USP45: variants seen among roughly 807,000 people sequenced by gnomAD.
USP45 encodes the protein ubiquitin specific peptidase 45.
Under a neutral mutation model 95.8 loss-of-function variants are expected in USP45, and 89 were observed. That is an observed-to-expected ratio of 0.93 (90% CI 0.78 to 1.11). The LOEUF (loss-of-function observed/expected upper bound fraction) is 1.11. Among genes scored for constraint, USP45 ranks in the 50% least tolerant of loss-of-function variants. The probability of loss-of-function intolerance (pLI) is 0.00; values close to 1 mark genes in which losing one functional copy is unlikely to be tolerated. For synonymous variants in USP45, 281 were observed against 316.2 expected (o/e 0.89, Z 1.18); for missense variants, 898 against 942.5 (o/e 0.95, Z 0.62).
At chr6:99,502,041 G>A in intron 5 of USP45, 1 of 1,288,690 alleles carries the variant, frequency 7.8e-7, no homozygotes. Flanking sequence ...TGATTAGAAT[G>A]TTGGGGGCCT....
At chr6:99,453,174 A>AAG (rs1474647980) in intron 13 of USP45, among the ~76,000 whole-genome samples, 28 of 346 alleles carry the variant, frequency 0.081, no homozygotes, top group Admixed American at 0.17. Flanking sequence ...CTTAAAAAAG[A>AAG]AAAAAAAAAA....
intron 9 of USP45, among the ~76,000 whole-genome samples, chr6:99,469,711 G>A (rs1019174501): frequency 1.3e-4 from 19 of 151,560 alleles, no homozygotes; most frequent in African/African-American, 4.6e-4. Context: ...TTGAGCTTCT[G>A]AGCTCAAGCA....
At chr6:99,490,179 T>TA (rs1393459194) in intron 5 of USP45, among the ~76,000 whole-genome samples, 1 of 151,990 alleles carries the variant, frequency 6.6e-6, no homozygotes, top group Non-Finnish European at 1.5e-5. Flanking sequence ...TTTTCTTTTT[T>TA]AAAAAACAGT....
chr6:99,483,893 T>A (rs1424148702), intron 7 of USP45, among the ~76,000 whole-genome samples: 1 of 149,332 alleles, frequency 6.7e-6, no homozygotes, highest in African/African-American at 2.5e-5. Flanking sequence ...AACTATTGAA[T>A]ATATTGTCCT....
intron 5 of USP45, among the ~76,000 whole-genome samples, chr6:99,497,138 C>G (rs1174151208): frequency 6.6e-6 from 1 of 151,998 alleles, no homozygotes; most frequent in African/African-American, 2.4e-5. Flanking sequence ...TTACTGTCTC[C>G]AGTTTTCTGG....
chr6:99,472,976 C>G (rs1434635565), intron 9 of USP45, among the ~76,000 whole-genome samples: 1 of 151,972 alleles, frequency 6.6e-6, no homozygotes, highest in African/African-American at 2.4e-5. Flanking sequence ...TGATCAAATA[C>G]TAGCTAGGGG....
intron 15 of USP45, among the ~76,000 whole-genome samples, chr6:99,440,663 T>A (rs909231689): frequency 1.3e-5 from 2 of 152,226 alleles, no homozygotes; most frequent in Non-Finnish European, 2.9e-5. Flanking sequence ...TGCTTTTTTA[T>A]GGCTTATCTT....
intron 9 of USP45, among the ~76,000 whole-genome samples, chr6:99,473,947 G>A (rs1165224987): frequency 1.3e-5 from 2 of 151,950 alleles, no homozygotes; most frequent in African/African-American, 4.8e-5. Context: ...GATCAAATAT[G>A]TAAAAGTAGA....
intron 9 of USP45, among the ~76,000 whole-genome samples, chr6:99,472,057 C>T (rs570521245): frequency 5.5e-4 from 84 of 152,080 alleles, no homozygotes; most frequent in African/African-American, 1.8e-3. Flanking sequence ...TGCACCATTA[C>T]GACTAAACAA....
chr6:99,491,369 C>T (rs1795130971), intron 5 of USP45, among the ~76,000 whole-genome samples: 1 of 152,202 alleles, frequency 6.6e-6, no homozygotes, highest in Admixed American at 6.5e-5. Flanking sequence ...ACAGACAGAA[C>T]AGTCTGCTTC....
At chr6:99,501,907 T>C (rs1180519888) in intron 5 of USP45, 9 of 1,279,698 alleles carry the variant, frequency 7.0e-6, no homozygotes, top group African/African-American at 1.5e-5. Flanking sequence ...TTATTCATGA[T>C]GGGTCCCTCA....
chr6:99,465,263 A>G (rs1477576452), intron 11 of USP45, 127 bp from the exon 12 acceptor site: 4 of 634,746 alleles, frequency 6.3e-6, no homozygotes, highest in Non-Finnish European at 7.7e-6. Flanking sequence ...TTCCTGAAAA[A>G]AATAGCAATT....
intron 8 of USP45, among the ~76,000 whole-genome samples, chr6:99,479,047 G>C (rs55891969): frequency 0.035 from 5,328 of 151,484 alleles, 158 homozygotes; most frequent in Non-Finnish European, 0.051. Context: ...TACCACCCAG[G>C]GATGGAGTTT....
chr6:99,496,825 A>G lies in USP45; in HGVS notation c.478+6940T>C, dbSNP rs141115155. Among the ~76,000 whole-genome samples, 37 of 152,052 alleles carry G rather than the reference A, an allele frequency of 2.4e-4. No individual in the cohort carries two copies. In the East Asian group the frequency reaches 6.8e-3, roughly 28 times the overall value. On this transcript the variant is annotated intron_variant, in intron 5 of 17. Transcript: ENST00000500704. ...CAAAACTGAGCATACGTTAATGGGG[A>G]TTTTCCATATCCCCCCTACCCCAAC... is the stretch of plus-strand genomic sequence containing the variant.
At chr6:99,471,028 A>T (rs1213875299) in intron 9 of USP45, among the ~76,000 whole-genome samples, 3 of 152,206 alleles carry the variant, frequency 2.0e-5, no homozygotes, top group Non-Finnish European at 4.4e-5. Context: ...TTACCAATTC[A>T]AGCAGCAGGA....
rs2128510179 is a variant in USP45 at position 99,432,633 on chromosome 6, A to C, written c.*3083T>G. On this transcript the variant is annotated 3_prime_UTR_variant, in exon 18 of 18. Transcript: ENST00000500704. ...AATTCATGATTTCTACGTAAACAAA[A>C]ACATCATAAATATCTAGAAATAATC... 6.6e-6 allele frequency: 1 copy of C among 152,378 alleles called. No homozygotes were observed. Among genetic ancestry groups the C allele is most frequent in the South Asian group, 2.1e-4 (1 of 4,828 alleles). 9.4% of individuals were successfully genotyped at this position (152,378 alleles called of 1,614,324 possible). A position where few individuals can be genotyped will look rare whatever the true frequency, so the allele number is the denominator to read the frequency against.
intron 5 of USP45, among the ~76,000 whole-genome samples, chr6:99,500,056 G>T (rs1797065660): frequency 6.6e-6 from 1 of 152,156 alleles, no homozygotes; most frequent in Non-Finnish European, 1.5e-5. Flanking sequence ...ACAGATTACT[G>T]CCTGGGGTCA....
intron 15 of USP45, among the ~76,000 whole-genome samples, chr6:99,440,159 AT>A (rs1781256239): frequency 6.6e-6 from 1 of 152,212 alleles, no homozygotes; most frequent in Non-Finnish European, 1.5e-5. Flanking sequence ...ACTGACACAT[AT>A]GCTATCATGA....
chr6:99,436,557 AAAAC>A (rs920036847), intron 17 of USP45, among the ~76,000 whole-genome samples: 4 of 152,140 alleles, frequency 2.6e-5, no homozygotes, highest in Admixed American at 6.5e-5. Context: ...CCTCATTTCA[AAAAC>A]AAACAAAAAA....
Sources: gnomAD v4.1 joint callset for allele counts (sites outside exome capture counted in the v4.1 genomes callset) on GRCh38, gnomAD v4.1.1 for gene constraint, MANE v1.5 for transcripts, NCBI Gene and HGNC (gene_info 2026-07-23, HGNC 2026-07-21) for gene names.